The following CSMD1 variants were observed in gnomAD, a reference collection of about 807,000 sequenced individuals.
CSMD1 encodes CUB and Sushi multiple domains 1.
In CSMD1, 213 loss-of-function variants were observed where a neutral mutation model predicts 417.5. That is an observed-to-expected ratio of 0.51 (90% CI 0.46 to 0.57). CSMD1 has a LOEUF of 0.57. Ranked by LOEUF, CSMD1 falls within the 20% of genes least tolerant of loss-of-function variation. The pLI is 0.00. For synonymous variants in CSMD1, 2,862 were observed against 1,736.8 expected, an observed-to-expected ratio of 1.65 and a Z score of -16.11; for missense variants, 6,923 against 4,529.7, an observed-to-expected ratio of 1.53 and a Z score of -15.17.
intron 5 of CSMD1, among the ~76,000 whole-genome samples, chr8:3,976,024 A>G (rs1193082467): frequency 2.0e-5 from 3 of 152,166 alleles, no homozygotes; most frequent in African/African-American, 2.4e-5. Context: ...GAAAAGATCA[A>G]TATATTCAAT....
intron 25 of CSMD1, among the ~76,000 whole-genome samples, chr8:3,300,708 G>A (rs889255513): frequency 5.9e-5 from 9 of 152,044 alleles, no homozygotes; most frequent in Non-Finnish European, 1.0e-4. Context: ...TCTAATCCCA[G>A]TGCTTTGGGA....
chr8:3,295,972 C>T (rs1411737474), intron 25 of CSMD1, among the ~76,000 whole-genome samples: 2 of 151,936 alleles, frequency 1.3e-5, no homozygotes, highest in African/African-American at 2.4e-5. Flanking sequence ...TCGTGGAGTT[C>T]GTGTTGTACA....
chr8:3,456,908 C>G (rs1816185561), intron 12 of CSMD1, among the ~76,000 whole-genome samples: 1 of 152,078 alleles, frequency 6.6e-6, no homozygotes, highest in Non-Finnish European at 1.5e-5. Context: ...CCCTTGTATT[C>G]TACACTTCAT....
intron 3 of CSMD1, among the ~76,000 whole-genome samples, chr8:4,360,046 C>A (rs1209153610): frequency 6.6e-6 from 1 of 152,188 alleles, no homozygotes; most frequent in Admixed American, 6.5e-5. Flanking sequence ...TCTGAGCATA[C>A]AGTTCCTCTC....
chr8:3,325,047 G>A (rs1585002098), intron 23 of CSMD1, among the ~76,000 whole-genome samples: 1 of 152,180 alleles, frequency 6.6e-6, no homozygotes, highest in East Asian at 1.9e-4. Flanking sequence ...AATTTGTGGA[G>A]CAGAGAAAAA....
At chr8:4,294,175 A>T (rs1047971721) in intron 3 of CSMD1, among the ~76,000 whole-genome samples, 2 of 152,214 alleles carry the variant, frequency 1.3e-5, no homozygotes, top group Non-Finnish European at 2.9e-5. Context: ...AGATGCCATC[A>T]GCAGCAACTA....
rs551182446 is a variant in CSMD1, at chr8:3,780,299, T to A, written c.819-26257A>T. Among the ~76,000 whole-genome samples the A allele has an allele frequency of 8.5e-5, 13 of 152,364 alleles. No individual in the cohort carries two copies. In the East Asian group the frequency reaches 2.5e-3, roughly 29 times the overall value. ...GAAGAGGCTGAGCAATTAGTTCGTATTCCGCAAATGAGTCAACTGAAATAA... is the reference window on the plus strand; with the variant it reads ...GAAGAGGCTGAGCAATTAGTTCGTAATCCGCAAATGAGTCAACTGAAATAA... On this transcript the variant is annotated intron_variant, in intron 5 of 69. Coordinates refer to ENST00000635120, the MANE Select transcript of CSMD1 (RefSeq NM_033225.6).
At chr8:4,605,443 C>A (rs957583771) in intron 2 of CSMD1, among the ~76,000 whole-genome samples, 1 of 152,178 alleles carries the variant, frequency 6.6e-6, no homozygotes, top group Middle Eastern at 3.4e-3. Flanking sequence ...ATAATGGTCC[C>A]CAGAATTATC....
chr8:4,641,745 T>C (rs1803206281), intron 1 of CSMD1, among the ~76,000 whole-genome samples: 1 of 152,248 alleles, frequency 6.6e-6, no homozygotes, highest in South Asian at 2.1e-4. Context: ...ATAAATACCT[T>C]AGATCACAAA....
intron 1 of CSMD1, among the ~76,000 whole-genome samples, chr8:4,901,510 T>A (rs1804868224): frequency 1.3e-5 from 2 of 151,634 alleles, no homozygotes; most frequent in South Asian, 2.2e-4. Flanking sequence ...CTTTGTGAGC[T>A]TAAAATTACC....
intron 2 of CSMD1, among the ~76,000 whole-genome samples, chr8:4,606,211 G>A (rs1010672498): frequency 6.6e-6 from 1 of 152,160 alleles, no homozygotes; most frequent in African/African-American, 2.4e-5. Flanking sequence ...ACGCCTTGCA[G>A]GTCTAAGAGT....
chr8:3,084,430 G>T (rs775698947), intron 49 of CSMD1, among the ~76,000 whole-genome samples: 3 of 148,988 alleles, frequency 2.0e-5, no homozygotes, highest in Non-Finnish European at 4.4e-5. Flanking sequence ...GGCTGAGGCA[G>T]GAGAATTACT....
chr8:4,155,661 G>C (rs945593541), intron 3 of CSMD1, among the ~76,000 whole-genome samples: 6 of 152,090 alleles, frequency 3.9e-5, no homozygotes, highest in Admixed American at 1.3e-4. Flanking sequence ...CACATTCAAA[G>C]AAACGTGACA....
chr8:3,902,575 A>G (rs2688263), intron 5 of CSMD1, among the ~76,000 whole-genome samples: 4,893 of 152,150 alleles, frequency 0.032, 266 homozygotes, highest in African/African-American at 0.11. Context: ...CTCAGTTCAC[A>G]GTAGGGTTCA....
At chr8:3,591,825 T>C (rs74498403) in intron 8 of CSMD1, among the ~76,000 whole-genome samples, 7 of 152,120 alleles carry the variant, frequency 4.6e-5, no homozygotes, top group East Asian at 3.9e-4. Context: ...AGTGGATGGA[T>C]AGATGATAGG....
intron 7 of CSMD1, among the ~76,000 whole-genome samples, chr8:3,625,297 C>T (rs2449223): frequency 0.8 from 121,500 of 152,112 alleles, 48,744 homozygotes; most frequent in East Asian, 0.97. Flanking sequence ...TGCTTTTATA[C>T]GTATTGTTTT....
rs1202599964 is a variant in CSMD1, at chr8:4,746,900, A to T, written c.86-109342T>A. Among the ~76,000 whole-genome samples the T allele has an allele frequency of 2.6e-5, 4 of 152,232 alleles. No homozygotes were observed. The East Asian group carries it at 7.7e-4, about 29-fold the overall frequency. ...AAAGCATAATTGACTTAGATCATAA[A>T]AGAATTGTGGGACACTCTAGTGTAA... is the stretch of plus-strand genomic sequence containing the variant. On this transcript the variant is annotated intron_variant, in intron 1 of 69. Transcript: ENST00000635120.
intron 10 of CSMD1, among the ~76,000 whole-genome samples, chr8:3,514,024 T>C (rs183230697): frequency 1.3e-5 from 2 of 152,176 alleles, no homozygotes; most frequent in Admixed American, 6.5e-5. Flanking sequence ...GAAAAATAAT[T>C]TTCTTATAAT....
At chr8:3,390,388 G>A (rs901231041) in intron 17 of CSMD1, among the ~76,000 whole-genome samples, 3 of 127,612 alleles carry the variant, frequency 2.4e-5, no homozygotes, top group African/African-American at 8.5e-5. Flanking sequence ...AAGGAATTTT[G>A]TAGCAGGTGA....
Sources: allele counts gnomAD v4.1 joint callset (sites outside exome capture counted in the v4.1 genomes callset), GRCh38; gene constraint gnomAD v4.1.1; transcripts MANE v1.5; gene names NCBI Gene and HGNC (gene_info 2026-07-23, HGNC 2026-07-21).